MSR1: variants seen among roughly 807,000 people sequenced by gnomAD.
The protein encoded by MSR1 is macrophage scavenger receptor types I and II.
Under a neutral mutation model 47.2 loss-of-function variants are expected in MSR1, and 53 were observed. The ratio of observed to expected loss-of-function variants is 1.12; its 90% CI spans 0.90 to 1.41. The LOEUF is 1.41. MSR1 is among the 40% of genes most tolerant of loss of function. MSR1 has a pLI of 0.00. For synonymous variants in MSR1, 239 were observed against 185.6 expected (o/e 1.29, Z -2.34); for missense variants, 786 against 546.9 (o/e 1.44, Z -4.36).
At chr8:16,123,614 C>T (rs888436526) in intron 8 of MSR1, among the ~76,000 whole-genome samples, 5 of 150,422 alleles carry the variant, frequency 3.3e-5, no homozygotes, top group African/African-American at 1.2e-4. Flanking sequence ...GTCTGGATAG[C>T]TGTTTCCTCT....
In MSR1 at chr8:16,119,779, C is replaced by G. The variant is rs568918265; in HGVS notation, c.1222+639G>C. Among the ~76,000 whole-genome samples, 8 of 151,804 alleles carry G rather than the reference C, an allele frequency of 5.3e-5. No homozygotes were observed. The East Asian group carries it at 1.2e-3, about 22-fold the overall frequency. ...CTGGAGTGCAGCAGCGTGACCATAG[C>G]TCATGTAACCTGGAACTCCTGAGCC... On this transcript the variant is annotated intron_variant, in intron 9 of 9. Coordinates refer to ENST00000262101, the MANE Select transcript of MSR1 (RefSeq NM_138715.3).
chr8:16,110,212 C>A lies in MSR1; in HGVS notation c.1229G>T (p.Gly410Val), dbSNP rs575983341. The stretch of plus-strand genomic sequence containing the variant: ...AAACACTTCATTCAGCCATATTGGA[C>A]CAGTACCTGCAATAATGAGGTATAA... ...HKAAHFGQGTGPIWLNEVFCF... is the reference protein window; with the variant it reads ...HKAAHFGQGTVPIWLNEVFCF... Residue 410 changes from glycine (G) to valine (V), a missense_variant, in exon 10 of 10, where the codon GGT (glycine) becomes GTT (valine). Coordinates refer to ENST00000262101, the MANE Select transcript of MSR1 (RefSeq NM_138715.3). The A allele has an allele frequency of 6.2e-7, 1 of 1,613,368 alleles. No individual in the cohort carries two copies. Among genetic ancestry groups the A allele is most frequent in the Non-Finnish European group, 8.5e-7 (1 of 1,179,542 alleles).
At chr8:16,186,596 C>T (rs1171924105) in intron 1 of MSR1, among the ~76,000 whole-genome samples, 1 of 151,874 alleles carries the variant, frequency 6.6e-6, no homozygotes, top group Non-Finnish European at 1.5e-5. Flanking sequence ...TCCTTGCTAG[C>T]ATCCTGTCCA....
intron 8 of MSR1, chr8:16,140,661 G>T: frequency 3.2e-6 from 4 of 1,232,790 alleles, no homozygotes; most frequent in Non-Finnish European, 4.1e-6. Flanking sequence ...AATTAAATTG[G>T]GTTCAAGACT....
intron 4 of MSR1, among the ~76,000 whole-genome samples, chr8:16,164,631 T>A (rs1040159851): frequency 2.0e-5 from 3 of 151,998 alleles, no homozygotes; most frequent in African/African-American, 7.2e-5. Context: ...TAGTCAAATT[T>A]CGTGAATTTG....
chr8:16,144,879 T>C (rs1017285108), intron 7 of MSR1, among the ~76,000 whole-genome samples: 2 of 152,212 alleles, frequency 1.3e-5, no homozygotes, highest in African/African-American at 4.8e-5. Context: ...CAATTATATA[T>C]AATTTTAGTG....
intron 5 of MSR1, among the ~76,000 whole-genome samples, chr8:16,163,673 T>C (rs1801223039): frequency 6.6e-6 from 1 of 151,678 alleles, no homozygotes; most frequent in Admixed American, 6.6e-5. Context: ...CAAAAGATCC[T>C]TTTAATTAAT....
At position 16,120,422 on chromosome 8, in the gene MSR1, T is replaced by C. The variant is rs773730308; in HGVS notation, c.1218A>G (p.Gly406=). 1.2e-6 allele frequency: 2 copies of C among 1,613,686 alleles called. No individual in the cohort carries two copies. The highest frequency in any genetic ancestry group is 1.7e-5 in the Admixed American group (1 of 59,986). The part of the protein sequence containing the change: ...VQAVHKAAHF[G]QGTGPIWLNE... ...ACAAGATTTTCTTTAAATTACCTTG[T>C]CCAAAGTGAGCTGCCTTGTGCACGG... Residue 406 remains glycine (G), a synonymous_variant, in exon 9 of 10, where the codon GGA becomes GGG. Transcript: ENST00000262101.
In MSR1 at chr8:16,143,612, C is replaced by A. The variant is rs1354298276; in HGVS notation, c.980-1G>T. 1 of 1,611,548 alleles carries A rather than the reference C, an allele frequency of 6.2e-7. No homozygotes were observed. On this transcript the variant is annotated splice_acceptor_variant, in intron 7 of 9. Coordinates refer to ENST00000262101, the MANE Select transcript of MSR1 (RefSeq NM_138715.3). LOFTEE classifies it high-confidence loss of function. ...TTCTGGCCTTTTGGTCCAGAATTTC[C>A]TTGAGAAAAGAAGAAAAATATTTGT... is the stretch of plus-strand genomic sequence containing the variant.
rs1321476824 is a variant in MSR1, at chr8:16,187,686, G to A, written c.-5+4912C>T. 2.6e-5 allele frequency among the ~76,000 whole-genome samples: 4 copies of A among 152,050 alleles called. No individual in the cohort carries two copies. In the East Asian group the frequency reaches 5.8e-4, roughly 22 times the overall value. On this transcript the variant is annotated intron_variant, in intron 1 of 9. Transcript: ENST00000262101. ...AAATGAAAGGCAAGATATTTTTCAA[G>A]ATGACTGGATTTTATATCTTAGGTT...
chr8:16,134,495 G>A (rs1302160629), intron 8 of MSR1, among the ~76,000 whole-genome samples: 2 of 152,050 alleles, frequency 1.3e-5, no homozygotes, highest in African/African-American at 4.8e-5. Flanking sequence ...TATATGTTGT[G>A]TGTATTCTGA....
At chr8:16,153,119 T>G (rs1800905889) in intron 6 of MSR1, among the ~76,000 whole-genome samples, 1 of 152,042 alleles carries the variant, frequency 6.6e-6, no homozygotes, top group African/African-American at 2.4e-5. Flanking sequence ...GCATCATGAT[T>G]GTGAGTCTAG....
chr8:16,135,258 G>C (rs749987314), intron 8 of MSR1, among the ~76,000 whole-genome samples: 5 of 152,274 alleles, frequency 3.3e-5, no homozygotes, highest in Middle Eastern at 3.4e-3. Context: ...TAATTCCCTT[G>C]TTAGGGGCTA....
intron 8 of MSR1, chr8:16,139,838 A>C: frequency 2.8e-6 from 1 of 355,794 alleles, no homozygotes; most frequent in Non-Finnish European, 3.7e-6. Context: ...GTAATTTGGA[A>C]AATAAGAAGA....
At chr8:16,115,293 T>C (rs952175203) in intron 9 of MSR1, among the ~76,000 whole-genome samples, 3 of 152,234 alleles carry the variant, frequency 2.0e-5, no homozygotes, top group Middle Eastern at 3.2e-3. Context: ...ACAATGCATG[T>C]TTCTCTTTTA....
At chr8:16,161,393 G>A (rs188051766) in intron 5 of MSR1, among the ~76,000 whole-genome samples, 5 of 151,950 alleles carry the variant, frequency 3.3e-5, no homozygotes, top group Non-Finnish European at 7.4e-5. Context: ...GTAAAGCTTC[G>A]GACATTTATT....
At chr8:16,157,450 G>C (rs532641927) in intron 5 of MSR1, among the ~76,000 whole-genome samples, 1 of 151,854 alleles carries the variant, frequency 6.6e-6, no homozygotes, top group Non-Finnish European at 1.5e-5. Flanking sequence ...CCTACAATAA[G>C]AAAAACAGGT....
intron 8 of MSR1, among the ~76,000 whole-genome samples, chr8:16,130,254 A>G (rs1224495482): frequency 6.6e-6 from 1 of 152,218 alleles, no homozygotes; most frequent in Non-Finnish European, 1.5e-5. Context: ...CAGATCCTGC[A>G]TGTTTTACAG....
rs574979583 is a variant in MSR1, at chr8:16,156,178, T to C, written c.818-1034A>G. On this transcript the variant is annotated intron_variant, in intron 5 of 9. Coordinates refer to ENST00000262101, the MANE Select transcript of MSR1 (RefSeq NM_138715.3). ...ACAGAAAGAAACATTATTCCATAGATTCACCACAGAATAAGGAAATAGTGA... is the reference window on the plus strand; with the variant it reads ...ACAGAAAGAAACATTATTCCATAGACTCACCACAGAATAAGGAAATAGTGA... Among the ~76,000 whole-genome samples, 5 of 151,950 alleles carry C rather than the reference T, an allele frequency of 3.3e-5. No homozygotes were observed. The East Asian group carries it at 9.7e-4, about 29-fold the overall frequency.
Sources: allele counts gnomAD v4.1 joint callset (sites outside exome capture counted in the v4.1 genomes callset), GRCh38; gene constraint gnomAD v4.1.1; transcripts MANE v1.5; gene names NCBI Gene and HGNC (gene_info 2026-07-23, HGNC 2026-07-21).